TNRC6B: variants seen among roughly 807,000 people sequenced by gnomAD.
The protein encoded by TNRC6B is trinucleotide repeat containing adaptor 6B.
Under a neutral mutation model 203.6 loss-of-function variants are expected in TNRC6B, and 52 were observed. That is an observed-to-expected ratio of 0.26 (90% CI 0.20 to 0.32). The LOEUF is 0.32. Among genes scored for constraint, TNRC6B ranks in the 10% least tolerant of loss-of-function variants. TNRC6B has a pLI of 1.00. For missense variants in TNRC6B, 1,923 were observed against 2,286.2 expected, an observed-to-expected ratio of 0.84 and a Z score of 3.24; for synonymous variants, 838 against 845.7, an observed-to-expected ratio of 0.99 and a Z score of 0.16.
chr22:40,297,157 C>G (rs1379572859), intron 12 of TNRC6B, among the ~76,000 whole-genome samples: 3 of 152,288 alleles, frequency 2.0e-5, no homozygotes, highest in East Asian at 3.9e-4. Flanking sequence ...TTGTTGTACT[C>G]TACTTTAACA....
intron 1 of TNRC6B, among the ~76,000 whole-genome samples, chr22:40,214,993 G>T (rs1044331599): frequency 1.6e-4 from 22 of 138,566 alleles, no homozygotes; most frequent in Non-Finnish European, 2.6e-4. Context: ...TGTTTCTTCT[G>T]TAATAATTTT....
intron 1 of TNRC6B, among the ~76,000 whole-genome samples, chr22:40,065,169 G>T (rs1485029821): frequency 1.3e-5 from 2 of 152,008 alleles, no homozygotes; most frequent in Non-Finnish European, 2.9e-5. Flanking sequence ...TTAAATATTT[G>T]ATAGAATTCC....
intron 12 of TNRC6B, among the ~76,000 whole-genome samples, chr22:40,288,782 C>T (rs1039144343): frequency 4.6e-5 from 7 of 151,382 alleles, no homozygotes; most frequent in Non-Finnish European, 8.8e-5. Context: ...ACCTCCTGAT[C>T]CACCCGCCCT....
At chr22:40,264,253 G>A (rs925464677) in intron 4 of TNRC6B, among the ~76,000 whole-genome samples, 9 of 152,158 alleles carry the variant, frequency 5.9e-5, no homozygotes, top group Admixed American at 3.3e-4. Context: ...TGACATTCGA[G>A]GCCAAGGAGT....
chr22:40,300,634 T>C, intron 13 of TNRC6B, 48 bp downstream of exon 13: 2 of 1,580,104 alleles, frequency 1.3e-6, no homozygotes, highest in Admixed American at 2.0e-5. Flanking sequence ...ATTTGCTTTT[T>C]TTTTTTCTTT....
At chr22:40,311,652 C>A (rs2071184335) in intron 17 of TNRC6B, among the ~76,000 whole-genome samples, 1 of 152,064 alleles carries the variant, frequency 6.6e-6, no homozygotes, top group South Asian at 2.1e-4. Flanking sequence ...AGCGATTCTC[C>A]TGCCTCAGCC....
chr22:40,064,372 A>AT (rs913212563), intron 1 of TNRC6B, among the ~76,000 whole-genome samples: 142 of 141,250 alleles, frequency 1.0e-3, no homozygotes, highest in East Asian at 7.3e-3. Context: ...ATGTTAGCTG[A>AT]TTTTTTTTTT....
At chr22:40,254,095 T>C (rs1004793917) in intron 3 of TNRC6B, among the ~76,000 whole-genome samples, 1 of 152,086 alleles carries the variant, frequency 6.6e-6, no homozygotes, top group African/African-American at 2.4e-5. Context: ...CTGTGAGGAA[T>C]AGGGTAGAGA....
intron 11 of TNRC6B, among the ~76,000 whole-genome samples, chr22:40,282,359 G>T (rs2070729793): frequency 6.6e-6 from 1 of 152,168 alleles, no homozygotes; most frequent in Non-Finnish European, 1.5e-5. Flanking sequence ...GTTATTTCTG[G>T]ATTGGGAGTT....
intron 12 of TNRC6B, among the ~76,000 whole-genome samples, chr22:40,289,073 C>A (rs2070832694): frequency 6.6e-6 from 1 of 152,098 alleles, no homozygotes; most frequent in South Asian, 2.1e-4. Context: ...CCTTGACCTC[C>A]CAAAGTGCTG....
chr22:40,125,724 T>C, intron 2 of TNRC6B: 1 of 1,460,012 alleles, frequency 6.8e-7, no homozygotes, highest in Non-Finnish European at 9.1e-7. Flanking sequence ...AAAAAAAATT[T>C]TTTTGCCCTG....
chr22:40,201,029 T>G (rs1215087530), intron 1 of TNRC6B, among the ~76,000 whole-genome samples: 1 of 152,208 alleles, frequency 6.6e-6, no homozygotes, highest in South Asian at 2.1e-4. Context: ...AGAGCTGTTG[T>G]GAGCATCACA....
intron 4 of TNRC6B, among the ~76,000 whole-genome samples, chr22:40,161,635 T>C (rs559751924): frequency 1.7e-4 from 26 of 152,334 alleles, no homozygotes; most frequent in African/African-American, 5.3e-4. Context: ...TTGAGAAATA[T>C]CTGTGCTAAA....
In TNRC6B at chr22:40,122,363, T is replaced by TA. The variant is rs1009951947; in HGVS notation, c.-46-3399dup. On this transcript the variant is annotated intron_variant, in intron 2 of 23. Transcript: ENST00000301923. Reference sequence around the variant, plus strand: ...TGCCACTGGGCAGAGGGGCCGGGCTTAAAAAAAAAAGCTGTATTGGAGAAT... The same window carrying TA: ...TGCCACTGGGCAGAGGGGCCGGGCTTAAAAAAAAAAAGCTGTATTGGAGAAT... Among the ~76,000 whole-genome samples the TA allele has an allele frequency of 1.5e-4, 22 of 148,618 alleles. 2 individuals are homozygous for TA. Among genetic ancestry groups the TA allele is most frequent in the Admixed American group, 1.1e-3 (16 of 14,886 alleles).
chr22:40,270,392 T>C, intron 6 of TNRC6B, 112 bp downstream of exon 6: 4 of 1,070,686 alleles, frequency 3.7e-6, no homozygotes, highest in Non-Finnish European at 4.8e-6. Context: ...CAATTTCGGC[T>C]CACTGCAACC....
At chr22:40,156,912 C>T (rs924366639) in intron 4 of TNRC6B, among the ~76,000 whole-genome samples, 2 of 151,066 alleles carry the variant, frequency 1.3e-5, no homozygotes, top group African/African-American at 2.4e-5. Context: ...GTGGCGGGGA[C>T]TACAGTTGCC....
chr22:40,295,365 T>C (rs2070924878), intron 12 of TNRC6B, among the ~76,000 whole-genome samples: 1 of 151,050 alleles, frequency 6.6e-6, no homozygotes, highest in African/African-American at 2.4e-5. Context: ...TCCCAGTTAC[T>C]CAGGAGGCTG....
At chr22:40,143,199 G>A (rs1430898102) in intron 3 of TNRC6B, among the ~76,000 whole-genome samples, 1 of 152,170 alleles carries the variant, frequency 6.6e-6, no homozygotes. Flanking sequence ...GGAGGCCGGG[G>A]CGGGAGAATC....
At chr22:40,239,173 A>G (rs190086014) in intron 1 of TNRC6B, among the ~76,000 whole-genome samples, 4 of 152,242 alleles carry the variant, frequency 2.6e-5, no homozygotes, top group Admixed American at 6.5e-5. Flanking sequence ...ACGGCACTGC[A>G]GCGTGGGTGA....
Sources: gnomAD v4.1 joint callset for allele counts (sites outside exome capture counted in the v4.1 genomes callset) on GRCh38, gnomAD v4.1.1 for gene constraint, MANE v1.5 for transcripts, NCBI Gene and HGNC (gene_info 2026-07-23, HGNC 2026-07-21) for gene names.